The following ASTN2 variants were observed in gnomAD, a reference collection of about 807,000 sequenced individuals.
ASTN2 encodes astrotactin-2.
A neutral mutation model predicts 139.8 loss-of-function variants in ASTN2; 54 were observed. The ratio of observed to expected loss-of-function variants is 0.39; its 90% confidence interval spans 0.31 to 0.48. ASTN2 has a LOEUF of 0.48. Among genes scored for constraint, ASTN2 ranks in the 20% least tolerant of loss-of-function variants. ASTN2 has a pLI of 0.95. For missense variants in ASTN2, 1,565 were observed against 1,725.1 expected (o/e 0.91, Z 1.64); for synonymous variants, 756 against 719.5 (o/e 1.05, Z -0.81).
At chr9:117,238,007 T>C (rs1160547775) in intron 2 of ASTN2, among the ~76,000 whole-genome samples, 2 of 152,160 alleles carry the variant, frequency 1.3e-5, no homozygotes, top group Non-Finnish European at 2.9e-5. Context: ...GGGGCTGCCA[T>C]TGGTCATAGC....
chr9:116,841,826 C>T (rs761107810), intron 11 of ASTN2, among the ~76,000 whole-genome samples: 38 of 152,180 alleles, frequency 2.5e-4, no homozygotes, highest in Non-Finnish European at 4.7e-4. Context: ...ATTGTAGTTA[C>T]CTTGTTACTT....
At chr9:116,642,012 A>C (rs1857354206) in intron 17 of ASTN2, among the ~76,000 whole-genome samples, 1 of 151,790 alleles carries the variant, frequency 6.6e-6, no homozygotes, top group Admixed American at 6.6e-5. Context: ...CTAAACAAGG[A>C]ATTCCCTGAA....
At chr9:116,977,895 T>C (rs549546206) in intron 7 of ASTN2, among the ~76,000 whole-genome samples, 1 of 152,010 alleles carries the variant, frequency 6.6e-6, no homozygotes, top group South Asian at 2.1e-4. Flanking sequence ...TTTTGTATTT[T>C]TGATAGAGAT....
At chr9:116,623,167 G>C (rs1856257428) in intron 17 of ASTN2, among the ~76,000 whole-genome samples, 1 of 77,340 alleles carries the variant, frequency 1.3e-5, no homozygotes, top group Non-Finnish European at 3.3e-5. Flanking sequence ...GTGTGTGTGT[G>C]TGTGTGTGTG....
chr9:117,188,821 C>A (rs1051562416), intron 3 of ASTN2, among the ~76,000 whole-genome samples: 1 of 152,162 alleles, frequency 6.6e-6, no homozygotes, highest in African/African-American at 2.4e-5. Flanking sequence ...GTAAAAGCAT[C>A]CACATTTTGA....
intron 3 of ASTN2, among the ~76,000 whole-genome samples, chr9:117,183,787 C>G (rs979699893): frequency 5.3e-5 from 8 of 152,218 alleles, no homozygotes; most frequent in Non-Finnish European, 1.2e-4. Context: ...TCTATTACAT[C>G]TGAAAACCTA....
intron 13 of ASTN2, among the ~76,000 whole-genome samples, chr9:116,792,900 C>G (rs1830594493): frequency 6.6e-6 from 1 of 152,024 alleles, no homozygotes; most frequent in Non-Finnish European, 1.5e-5. Context: ...AGCTGTTCCT[C>G]TGTACTCATG....
chr9:117,075,465 A>G (rs1453036888), intron 5 of ASTN2, among the ~76,000 whole-genome samples: 1 of 136,906 alleles, frequency 7.3e-6, no homozygotes, highest in Non-Finnish European at 1.6e-5. Context: ...CATCGACTAG[A>G]GTCTGGCAGT....
At chr9:116,964,114 G>A (rs773127776) in intron 10 of ASTN2, among the ~76,000 whole-genome samples, 1 of 151,996 alleles carries the variant, frequency 6.6e-6, no homozygotes, top group East Asian at 1.9e-4. Flanking sequence ...TTTGATATTA[G>A]TCTTCTTGTT....
At chr9:116,893,552 G>C (rs1234285897) in intron 10 of ASTN2, among the ~76,000 whole-genome samples, 1 of 152,118 alleles carries the variant, frequency 6.6e-6, no homozygotes, top group African/African-American at 2.4e-5. Context: ...AAACCGAGAT[G>C]CTAGTAGAAC....
chr9:117,345,170 C>T (rs953111433), intron 1 of ASTN2, among the ~76,000 whole-genome samples: 4 of 152,130 alleles, frequency 2.6e-5, no homozygotes, highest in Non-Finnish European at 5.9e-5. Context: ...AATCCTCCAG[C>T]CAGCAAGGCT....
At chr9:116,559,785 T>G (rs1852814294) in intron 19 of ASTN2, among the ~76,000 whole-genome samples, 1 of 152,302 alleles carries the variant, frequency 6.6e-6, no homozygotes, top group African/African-American at 2.4e-5. Flanking sequence ...AGAATCAGGA[T>G]TTGAGCCTGG....
chr9:116,611,970 C>T (rs1242844998), intron 19 of ASTN2: 1 of 152,122 alleles, frequency 6.6e-6, no homozygotes, highest in African/African-American at 2.4e-5. Context: ...AAACAACCTA[C>T]ACATTCCTGG....
intron 22 of ASTN2, among the ~76,000 whole-genome samples, chr9:116,440,108 C>G (rs917565720): frequency 6.6e-6 from 1 of 152,160 alleles, no homozygotes; most frequent in African/African-American, 2.4e-5. Flanking sequence ...TAGTGACTGG[C>G]ATGCAGGACA....
chr9:116,897,041 T>A (rs181526834), intron 10 of ASTN2, among the ~76,000 whole-genome samples: 196 of 152,200 alleles, frequency 1.3e-3, no homozygotes, highest in Admixed American at 2.0e-3. Context: ...GGGCAAGAAA[T>A]GTGGCATATT....
intron 19 of ASTN2, among the ~76,000 whole-genome samples, chr9:116,515,986 A>G (rs970545877): frequency 3.9e-5 from 6 of 152,192 alleles, no homozygotes; most frequent in Non-Finnish European, 8.8e-5. Context: ...TAATTTTCTA[A>G]TAAGTTCCCA....
rs1205438342 is a variant in ASTN2 at position 117,151,973 on chromosome 9, G to C, written c.1016-10495C>G. Reference sequence around the variant, plus strand: ...TGGGTGCAGCGAGAGCAGAGTGTAGGGATCTGGACAGACTTGGGCTTGAGC... The same window carrying C: ...TGGGTGCAGCGAGAGCAGAGTGTAGCGATCTGGACAGACTTGGGCTTGAGC... On this transcript the variant is annotated intron_variant, in intron 3 of 22. Transcript: ENST00000313400. 5.8e-4 allele frequency among the ~76,000 whole-genome samples: 88 copies of C among 152,100 alleles called. 1 individual carries two copies. The highest frequency in any genetic ancestry group is 1.5e-4 in the Non-Finnish European group (10 of 68,022).
intron 4 of ASTN2, among the ~76,000 whole-genome samples, chr9:117,106,792 G>A (rs538908565): frequency 1.8e-3 from 258 of 144,376 alleles, no homozygotes; most frequent in African/African-American, 6.7e-3. Context: ...CTATCTATCT[G>A]TCTATCTATC....
At chr9:117,095,189 C>A (rs545524734) in intron 5 of ASTN2, among the ~76,000 whole-genome samples, 1 of 152,168 alleles carries the variant, frequency 6.6e-6, no homozygotes, top group African/African-American at 2.4e-5. Flanking sequence ...GGCATGGAAT[C>A]CATGTTTGTA....
Sources: gnomAD v4.1 joint callset for allele counts (sites outside exome capture counted in the v4.1 genomes callset) on GRCh38, gnomAD v4.1.1 for gene constraint, MANE v1.5 for transcripts, NCBI Gene and HGNC (gene_info 2026-07-23, HGNC 2026-07-21) for gene names.